RTTN: variants seen among roughly 807,000 people sequenced by gnomAD.
The protein encoded by RTTN is rotatin.
A neutral mutation model predicts 269.2 loss-of-function variants in RTTN; 182 were observed. That is an observed-to-expected ratio of 0.68 (90% CI 0.60 to 0.76). The LOEUF (loss-of-function observed/expected upper bound fraction) is 0.76, where lower values mean the gene tolerates loss of function less well. Ranked by LOEUF, RTTN falls within the 30% of genes least tolerant of loss-of-function variation. RTTN has a pLI of 0.00. For missense variants in RTTN, 2,545 were observed against 2,608.6 expected (o/e 0.98, Z 0.53); for synonymous variants, 1,006 against 963.5 (o/e 1.04, Z -0.82).
chr18:70,060,592 C>A (rs1168240329), intron 35 of RTTN, among the ~76,000 whole-genome samples: 1 of 152,120 alleles, frequency 6.6e-6, no homozygotes, highest in Non-Finnish European at 1.5e-5. Context: ...CAAACATTTA[C>A]CATTTCTTTG....
chr18:70,050,509 G>A (rs1477329524), intron 39 of RTTN, among the ~76,000 whole-genome samples: 1 of 152,212 alleles, frequency 6.6e-6, no homozygotes, highest in African/African-American at 2.4e-5. Context: ...GTGGAAGACA[G>A]TGTGGCAATT....
At chr18:70,005,615 T>C in intron 47 of RTTN, 1 of 182,254 alleles carries the variant, frequency 5.5e-6, no homozygotes, top group Admixed American at 6.1e-5. Context: ...TGATCACATA[T>C]ACCAAATATT....
chr18:70,169,541 T>C (rs1388334092), intron 11 of RTTN, among the ~76,000 whole-genome samples: 2 of 152,180 alleles, frequency 1.3e-5, no homozygotes, highest in Non-Finnish European at 2.9e-5. Flanking sequence ...AAATCAAGTA[T>C]AGCTATAGAT....
Position 70,051,399 on chromosome 18 carries a change from G to C in RTTN, c.5323+12C>G, listed in dbSNP as rs2057662718. On this transcript the variant is annotated intron_variant, in intron 39 of 48. Transcript: ENST00000640769. ...GCAGAAAGCCCCCAAGATTATGCAA[G>C]TATCTTCTTACCAATCGCCGCTGTC... The C allele has an allele frequency of 1.3e-6, 2 of 1,595,394 alleles. No homozygotes were observed. The highest frequency in any genetic ancestry group is 1.4e-5 in the African/African-American group (1 of 73,874).
intron 40 of RTTN, among the ~76,000 whole-genome samples, chr18:70,039,701 A>AAG (rs1240858664): frequency 1.3e-5 from 2 of 152,192 alleles, no homozygotes; most frequent in African/African-American, 2.4e-5. Flanking sequence ...AACTACTCTT[A>AAG]TCTTAAGTAG....
At chr18:70,016,833 A>C (rs1450737950) in intron 46 of RTTN, among the ~76,000 whole-genome samples, 1 of 152,052 alleles carries the variant, frequency 6.6e-6, no homozygotes, top group East Asian at 1.9e-4. Context: ...GGTGCTACAC[A>C]TAAACAAAGC....
chr18:70,063,057 C>T (rs917127052), intron 35 of RTTN, among the ~76,000 whole-genome samples: 2 of 152,106 alleles, frequency 1.3e-5, no homozygotes, highest in African/African-American at 4.8e-5. Flanking sequence ...ACAAACAATG[C>T]TTGCTAAATT....
rs139510756 is a variant in RTTN, at chr18:70,119,669, G to T, written c.3528+1887C>A. Among the ~76,000 whole-genome samples the T allele has an allele frequency of 7.7e-3, 1,170 of 152,132 alleles. 12 individuals carry two copies. Among genetic ancestry groups the T allele is most frequent in the Middle Eastern group, 0.037 (11 of 294 alleles). On this transcript the variant is annotated intron_variant, in intron 26 of 48. Transcript: ENST00000640769. ...AAACCACAAAAACCTCAGCACACAC[G>T]CACCTCTACAATTTGACTCAGCAAT...
chr18:70,202,128 C>G, intron 3 of RTTN, 145 bp from the exon 4 acceptor site: 1 of 552,900 alleles, frequency 1.8e-6, no homozygotes, highest in Non-Finnish European at 3.1e-6. Context: ...TCTGAATGAT[C>G]TATCTTGCTA....
rs540856083 is a variant in RTTN, at chr18:70,136,860, A to G, written c.2789-1580T>C. 6.6e-5 allele frequency among the ~76,000 whole-genome samples: 10 copies of G among 152,278 alleles called. No individual in the cohort carries two copies. The South Asian group carries it at 1.2e-3, about 19-fold the overall frequency. ...GGTGAAAAATCTAAAACAAATACCC[A>G]GTAACATAGCAAACTGAAATTCTGC... On this transcript the variant is annotated intron_variant, in intron 21 of 48. Transcript: ENST00000640769.
rs539609551 is a variant in RTTN at position 70,203,446 on chromosome 18, G to A, written c.397+640C>T. 9.9e-5 allele frequency among the ~76,000 whole-genome samples: 15 copies of A among 152,182 alleles called. No homozygotes were observed. The South Asian group carries it at 1.5e-3, about 15-fold the overall frequency. ...TCTTGAACTTCTGACCACCTGCCTC[G>A]GCTTCCCAAAGTGCCGGGATTACAG... On this transcript the variant is annotated intron_variant, in intron 3 of 48. Coordinates refer to ENST00000640769, the MANE Select transcript of RTTN (RefSeq NM_173630.4).
intron 38 of RTTN, among the ~76,000 whole-genome samples, chr18:70,052,208 T>C (rs75621658): frequency 0.017 from 2,575 of 152,252 alleles, 45 homozygotes; most frequent in Non-Finnish European, 0.02. Flanking sequence ...GGATCTGTCA[T>C]CTTTTATCTA....
chr18:70,010,256 C>T (rs1043077394), intron 46 of RTTN, among the ~76,000 whole-genome samples: 1 of 152,200 alleles, frequency 6.6e-6, no homozygotes, highest in African/African-American at 2.4e-5. Context: ...ATCTACAGAA[C>T]ACTCCACCCC....
intron 23 of RTTN, chr18:70,130,513 T>A (rs971502097): frequency 6.6e-6 from 1 of 150,962 alleles, no homozygotes; most frequent in African/African-American, 2.4e-5. Context: ...TTACGTTAAC[T>A]GAAATAATCC....
intron 44 of RTTN, among the ~76,000 whole-genome samples, chr18:70,023,432 G>C (rs2056763455): frequency 6.6e-6 from 1 of 152,162 alleles, no homozygotes; most frequent in African/African-American, 2.4e-5. Context: ...TCACTTGAGT[G>C]AACATCAACA....
At chr18:70,093,696 C>T (rs1032029905) in intron 28 of RTTN, among the ~76,000 whole-genome samples, 15 of 152,218 alleles carry the variant, frequency 9.9e-5, no homozygotes, top group South Asian at 2.1e-4. Context: ...CTGCTGGATT[C>T]GGTTTGCCAG....
At chr18:70,094,590 G>T (rs1391611954) in intron 28 of RTTN, among the ~76,000 whole-genome samples, 1 of 152,062 alleles carries the variant, frequency 6.6e-6, no homozygotes, top group South Asian at 2.1e-4. Flanking sequence ...GTAGTTGTGC[G>T]GTTTGTAGTT....
At chr18:70,177,216 T>C (rs941854559) in intron 10 of RTTN, among the ~76,000 whole-genome samples, 1 of 152,208 alleles carries the variant, frequency 6.6e-6, no homozygotes, top group African/African-American at 2.4e-5. Flanking sequence ...AAGTATTTCT[T>C]ATGCTTACTA....
intron 36 of RTTN, among the ~76,000 whole-genome samples, chr18:70,058,413 G>A (rs1214400081): frequency 6.6e-6 from 1 of 152,140 alleles, no homozygotes; most frequent in Non-Finnish European, 1.5e-5. Context: ...AGCTACTCAG[G>A]AGGTTGAGAC....
Sources: gnomAD v4.1 joint callset for allele counts (sites outside exome capture counted in the v4.1 genomes callset) on GRCh38, gnomAD v4.1.1 for gene constraint, MANE v1.5 for transcripts, NCBI Gene and HGNC (gene_info 2026-07-23, HGNC 2026-07-21) for gene names.